The following CENPN variants were observed in gnomAD, a reference collection of about 807,000 sequenced individuals.
CENPN encodes the protein interphase centromere complex protein 32.
CENPN carries 36 observed loss-of-function variants against 48.6 expected under a neutral mutation model. The observed-to-expected ratio is 0.74, with a 90% CI of 0.57 to 0.98. The LOEUF is 0.98. Among genes scored for constraint, CENPN ranks in the 50% least tolerant of loss-of-function variants. CENPN has a pLI of 0.00. For missense variants in CENPN, 439 were observed against 399.2 expected (o/e 1.10, Z -0.85); for synonymous variants, 166 against 135.2 (o/e 1.23, Z -1.58).
chr16:81,026,946 T>A (rs2018122), intron 9 of CENPN, among the ~76,000 whole-genome samples: 106,969 of 151,562 alleles, frequency 0.71, 38,295 homozygotes, highest in Middle Eastern at 0.83. Context: ...ACCTGCCACC[T>A]CACCTGGCTA....
chr16:81,022,493 G>A (rs754313735), intron 6 of CENPN, 104 bp from the exon 7 acceptor site: 17 of 948,598 alleles, frequency 1.8e-5, no homozygotes, highest in African/African-American at 3.3e-5. Flanking sequence ...TTACACTTAC[G>A]GGGAAACTAT....
Position 81,029,967 on chromosome 16 carries a change from C to T in CENPN, c.*1316C>T, listed in dbSNP as rs976345466. 5.3e-5 allele frequency among the ~76,000 whole-genome samples: 8 copies of T among 152,216 alleles called. No homozygotes were observed. Among genetic ancestry groups the T allele is most frequent in the African/African-American group, 1.7e-4 (7 of 41,446 alleles). ...CACGTGGCCAGGGAGGCCTCACAAT[C>T]ATGGTGGAAGGCAAATGAGAAGCAA... is the stretch of plus-strand genomic sequence containing the variant. On this transcript the variant is annotated 3_prime_UTR_variant, in exon 11 of 11. Transcript: ENST00000305850.
rs1388417378 is a variant in CENPN, at chr16:81,025,689, CTCTTTTTTTTTTTTT to C, written c.698-835_698-821del. On this transcript the variant is annotated intron_variant, in intron 8 of 10. Transcript: ENST00000305850. The stretch of plus-strand genomic sequence containing the variant: ...TGGGCAACATAGTGAGACCCTGTCT[CTCTTTTTTTTTTTTT>C]TTTTTTTTTTTTTTTTAAGACAGAG... 2.6e-4 allele frequency among the ~76,000 whole-genome samples: 35 copies of C among 135,208 alleles called. 1 individual carries two copies. Among genetic ancestry groups the C allele is most frequent in the Non-Finnish European group, 2.6e-4 (17 of 64,954 alleles). 88.7% of individuals were successfully genotyped at this position (135,208 alleles called of 152,430 possible).
At chr16:81,007,371 A>G (rs1044619683) in intron 1 of CENPN, 94 bp downstream of exon 1, 2 of 152,124 alleles carry the variant, frequency 1.3e-5, no homozygotes, top group African/African-American at 2.4e-5. Flanking sequence ...CTTTTTCGCA[A>G]TTGTCGCACG....
chr16:81,015,436 G>A (rs1466932404), intron 3 of CENPN, among the ~76,000 whole-genome samples: 6 of 152,228 alleles, frequency 3.9e-5, no homozygotes, highest in Admixed American at 1.3e-4. Context: ...TATCACATAA[G>A]GTTATGGTGA....
At chr16:81,013,124 C>A (rs572744074) in intron 2 of CENPN, among the ~76,000 whole-genome samples, 1 of 152,094 alleles carries the variant, frequency 6.6e-6, no homozygotes, top group Non-Finnish European at 1.5e-5. Flanking sequence ...CTGGAAACAA[C>A]CCAAATGTCC....
downstream of CENPN, chr16:81,032,713 T>C: frequency 6.3e-7 from 1 of 1,594,438 alleles, no homozygotes; most frequent in Non-Finnish European, 8.5e-7. Flanking sequence ...TGTCACAACA[T>C]TTAGACATTT....
chr16:81,011,434 T>C (rs1969737408), intron 1 of CENPN, among the ~76,000 whole-genome samples: 1 of 152,214 alleles, frequency 6.6e-6, no homozygotes, highest in Non-Finnish European at 1.5e-5. Context: ...AAGACATATG[T>C]ATCCCCAGTG....
chr16:81,018,386 C>G (rs1226492078), intron 5 of CENPN, among the ~76,000 whole-genome samples: 1 of 152,054 alleles, frequency 6.6e-6, no homozygotes, highest in Non-Finnish European at 1.5e-5. Flanking sequence ...GTTGACCAGG[C>G]TGGTCTCGAA....
intron 6 of CENPN, among the ~76,000 whole-genome samples, chr16:81,021,338 C>T (rs1175078672): frequency 4.6e-5 from 7 of 152,128 alleles, no homozygotes; most frequent in Non-Finnish European, 1.5e-5. Flanking sequence ...AAAGTTAGTT[C>T]TCCCTAAATT....
chr16:81,016,078 A>T (rs9934957), intron 3 of CENPN, among the ~76,000 whole-genome samples: 1 of 151,850 alleles, frequency 6.6e-6, no homozygotes, highest in Admixed American at 6.6e-5. Context: ...TGCAGAGACA[A>T]TTTTAAGCCA....
At chr16:81,026,105 GTATA>G (rs1230932976) in intron 8 of CENPN, among the ~76,000 whole-genome samples, 19 of 143,852 alleles carry the variant, frequency 1.3e-4, no homozygotes, top group Non-Finnish European at 2.9e-4. Flanking sequence ...ATATGTGTGT[GTATA>G]TATATATGTA....
chr16:81,015,889 C>T (rs888134585), intron 3 of CENPN, among the ~76,000 whole-genome samples: 1 of 152,022 alleles, frequency 6.6e-6, no homozygotes, highest in Non-Finnish European at 1.5e-5. Context: ...TACCTGTAAT[C>T]TGCTATTCGG....
At chr16:81,012,160 G>A (rs1387553250) in intron 2 of CENPN, 50 bp downstream of exon 2, 2 of 1,543,304 alleles carry the variant, frequency 1.3e-6, no homozygotes, top group East Asian at 2.3e-5. Context: ...ACCCCCTTGG[G>A]TTTTTCTTTC....
intron 4 of CENPN, 22 bp from the exon 5 acceptor site, chr16:81,017,736 T>C: frequency 1.3e-6 from 2 of 1,540,698 alleles, no homozygotes; most frequent in Non-Finnish European, 1.8e-6. Context: ...GATTTTTCTT[T>C]ATTTTTTTTT....
intron 2 of CENPN, among the ~76,000 whole-genome samples, chr16:81,013,740 G>A (rs1969834247): frequency 1.3e-5 from 2 of 151,872 alleles, no homozygotes; most frequent in South Asian, 2.1e-4. Flanking sequence ...AAAGAGACAC[G>A]AGAAAATCTG....
At chr16:81,008,876 G>T (rs12448656) in intron 1 of CENPN, among the ~76,000 whole-genome samples, 34,675 of 152,152 alleles carry the variant, frequency 0.23, 4,222 homozygotes, top group East Asian at 0.42. Flanking sequence ...AACAAGAAAA[G>T]TTAAAAAGAT....
rs780554655 is a variant in CENPN at position 81,028,650 on chromosome 16, A to C, written c.1019A>C (p.Ter340SerextTer13). The C allele has an allele frequency of 1.1e-4, 170 of 1,610,894 alleles. No homozygotes were observed. Among genetic ancestry groups the C allele is most frequent in the Non-Finnish European group, 1.3e-4 (155 of 1,179,426 alleles). ...AATTATTTTAAAATTAGAGATAAAT[A>C]AGACGTGCGTGGTTTCTTAAGCACA... is the stretch of plus-strand genomic sequence containing the variant. ...RMNYFKIRDK* is the reference protein window; with the variant it reads ...RMNYFKIRDKS The change falls in exon 11 of 11, where the codon TAA becomes TCA. Residue 340 changes from the stop codon to serine, a stop_lost. Transcript: ENST00000305850.
At chr16:81,016,234 G>T (rs1044200835) in intron 3 of CENPN, among the ~76,000 whole-genome samples, 6 of 152,116 alleles carry the variant, frequency 3.9e-5, no homozygotes, top group African/African-American at 1.4e-4. Flanking sequence ...GAAGCCTGGT[G>T]TGGTGGTGTG....
Sources: gnomAD v4.1 joint callset for allele counts (sites outside exome capture counted in the v4.1 genomes callset) on GRCh38, gnomAD v4.1.1 for gene constraint, MANE v1.5 for transcripts, NCBI Gene and HGNC (gene_info 2026-07-23, HGNC 2026-07-21) for gene names.